The following CTNND2 variants were observed in gnomAD, a reference collection of about 807,000 sequenced individuals.
CTNND2 encodes the protein catenin delta 2.
Under a neutral mutation model 144.4 loss-of-function variants are expected in CTNND2, and 22 were observed. The ratio of observed to expected loss-of-function variants is 0.15; its 90% CI spans 0.11 to 0.22. CTNND2 has a LOEUF of 0.22. CTNND2 is among the 10% of genes least tolerant of loss of function. The pLI is 1.00. For missense variants in CTNND2, 1,353 were observed against 1,618.8 expected (o/e 0.84, Z 2.82); for synonymous variants, 751 against 695.6 (o/e 1.08, Z -1.25).
intron 1 of CTNND2, among the ~76,000 whole-genome samples, chr5:11,742,886 G>A (rs960009615): frequency 1.8e-4 from 28 of 152,182 alleles, no homozygotes; most frequent in Non-Finnish European, 1.0e-4. Flanking sequence ...ACAGTATTGA[G>A]CACCTCATTT....
In CTNND2 at chr5:11,768,370, A is replaced by G. The variant is rs141196213; in HGVS notation, c.38-36098T>C. Among the ~76,000 whole-genome samples the G allele has an allele frequency of 5.3e-3, 799 of 151,950 alleles. 2 individuals carry two copies. Among genetic ancestry groups the G allele is most frequent in the African/African-American group, 0.018 (757 of 41,434 alleles). On this transcript the variant is annotated intron_variant, in intron 1 of 21. Coordinates refer to ENST00000304623, the MANE Select transcript of CTNND2 (RefSeq NM_001332.4). ...AGTGGTGCCATCTCAGCTCACTGCA[A>G]CCTCCACCTCCCAGGCTGAAGCAAT... is the stretch of plus-strand genomic sequence containing the variant.
intron 1 of CTNND2, among the ~76,000 whole-genome samples, chr5:11,898,671 T>C (rs1737603202): frequency 6.6e-6 from 1 of 152,222 alleles, no homozygotes; most frequent in African/African-American, 2.4e-5. Flanking sequence ...CCAAATATAA[T>C]TGGCTCACCT....
intron 2 of CTNND2, among the ~76,000 whole-genome samples, chr5:11,596,657 A>G (rs2126305619): frequency 6.6e-6 from 1 of 152,298 alleles, no homozygotes; most frequent in South Asian, 2.1e-4. Flanking sequence ...TTGGTATTAT[A>G]AAAATCCTTT....
chr5:11,342,165 C>T (rs1346065930), intron 9 of CTNND2, among the ~76,000 whole-genome samples: 1 of 151,986 alleles, frequency 6.6e-6, no homozygotes, highest in East Asian at 1.9e-4. Flanking sequence ...CATTCTTTAC[C>T]AAGGTTTACC....
intron 3 of CTNND2, among the ~76,000 whole-genome samples, chr5:11,432,280 GA>G (rs11338263): frequency 0.2 from 27,471 of 139,982 alleles, 4,977 homozygotes; most frequent in African/African-American, 0.5. Context: ...GACATGGGCT[GA>G]AAAAAAAAAA....
At chr5:11,668,434 T>C (rs1441377685) in intron 2 of CTNND2, among the ~76,000 whole-genome samples, 1 of 152,250 alleles carries the variant, frequency 6.6e-6, no homozygotes, top group Non-Finnish European at 1.5e-5. Flanking sequence ...TCCTCTCTTA[T>C]TTCCTTGAGC....
intron 3 of CTNND2, among the ~76,000 whole-genome samples, chr5:11,497,725 T>C (rs568178024): frequency 2.6e-5 from 4 of 152,144 alleles, no homozygotes; most frequent in Admixed American, 6.5e-5. Context: ...AAGTCAGAAA[T>C]TACTCATAAA....
chr5:10,995,638 A>G (rs1739259423), intron 18 of CTNND2, among the ~76,000 whole-genome samples: 1 of 152,196 alleles, frequency 6.6e-6, no homozygotes, highest in South Asian at 2.1e-4. Context: ...TTCATAGATC[A>G]CCTAGAAGAT....
At chr5:11,443,302 ATG>A (rs1355665756) in intron 3 of CTNND2, among the ~76,000 whole-genome samples, 1 of 61,122 alleles carries the variant, frequency 1.6e-5, no homozygotes, top group Admixed American at 2.5e-4. Flanking sequence ...GTGTGTGTGC[ATG>A]TGTGTGGTGT....
chr5:11,827,162 AAC>A (rs1439878882), intron 1 of CTNND2, among the ~76,000 whole-genome samples: 1 of 152,348 alleles, frequency 6.6e-6, no homozygotes, highest in East Asian at 1.9e-4. Flanking sequence ...TGCAACTTAC[AAC>A]ATGCGGACAT....
At chr5:11,794,269 T>C (rs1414449856) in intron 1 of CTNND2, among the ~76,000 whole-genome samples, 1 of 152,236 alleles carries the variant, frequency 6.6e-6, no homozygotes, top group Non-Finnish European at 1.5e-5. Flanking sequence ...ACTGTCCCCG[T>C]ATTTTAATAC....
At chr5:11,306,059 G>C (rs548639073) in intron 9 of CTNND2, among the ~76,000 whole-genome samples, 39 of 152,178 alleles carry the variant, frequency 2.6e-4, no homozygotes, top group Non-Finnish European at 5.3e-4. Flanking sequence ...AAATGTAACA[G>C]GAAGACAGTG....
chr5:11,059,991 A>G (rs1378818780), intron 16 of CTNND2, among the ~76,000 whole-genome samples: 1 of 152,112 alleles, frequency 6.6e-6, no homozygotes, highest in East Asian at 1.9e-4. Flanking sequence ...TTTCCTGCAA[A>G]ATAAGGAGAG....
chr5:11,389,870 T>A (rs1223091280), intron 6 of CTNND2, among the ~76,000 whole-genome samples: 1 of 152,228 alleles, frequency 6.6e-6, no homozygotes, highest in Non-Finnish European at 1.5e-5. Context: ...ATAAACTTTG[T>A]TTCATGTACA....
intron 5 of CTNND2, among the ~76,000 whole-genome samples, chr5:11,402,757 G>A (rs962018644): frequency 2.0e-5 from 3 of 152,184 alleles, no homozygotes; most frequent in Non-Finnish European, 4.4e-5. Context: ...CAGAGTTGAC[G>A]GGCAGGTGTG....
At chr5:11,205,479 C>T (rs1318574139) in intron 10 of CTNND2, among the ~76,000 whole-genome samples, 1 of 151,748 alleles carries the variant, frequency 6.6e-6, no homozygotes, top group South Asian at 2.1e-4. Context: ...TACAAAATTC[C>T]AATAATTTTC....
intron 9 of CTNND2, among the ~76,000 whole-genome samples, chr5:11,261,089 C>T (rs62338527): frequency 0.068 from 10,311 of 152,074 alleles, 490 homozygotes; most frequent in Admixed American, 0.098. Context: ...CACAGTCACG[C>T]GAATGCTTGT....
chr5:11,526,379 C>T (rs1327590379), intron 3 of CTNND2, among the ~76,000 whole-genome samples: 1 of 152,156 alleles, frequency 6.6e-6, no homozygotes, highest in Non-Finnish European at 1.5e-5. Context: ...GAAATTGGTT[C>T]TGTCATATGT....
intron 3 of CTNND2, among the ~76,000 whole-genome samples, chr5:11,552,727 A>T (rs1561547090): frequency 1.3e-5 from 2 of 152,128 alleles, no homozygotes; most frequent in African/African-American, 4.8e-5. Flanking sequence ...TAATCTGAAC[A>T]CTTGGAATCA....
Sources: gnomAD v4.1 joint callset for allele counts (sites outside exome capture counted in the v4.1 genomes callset) on GRCh38, gnomAD v4.1.1 for gene constraint, MANE v1.5 for transcripts, NCBI Gene and HGNC (gene_info 2026-07-23, HGNC 2026-07-21) for gene names.